KIFAP3: variants seen among roughly 807,000 people sequenced by gnomAD.
KIFAP3 encodes kinesin-associated protein 3.
A neutral mutation model predicts 106.5 loss-of-function variants in KIFAP3; 68 were observed. The ratio of observed to expected loss-of-function variants is 0.64; its 90% CI spans 0.53 to 0.78. The LOEUF (loss-of-function observed/expected upper bound fraction) is 0.78, where lower values mean the gene tolerates loss of function less well. KIFAP3 is among the 30% of genes least tolerant of loss of function. The probability of loss-of-function intolerance (pLI) is 0.00; values close to 1 mark genes in which losing one functional copy is unlikely to be tolerated. For synonymous variants in KIFAP3, 320 were observed against 311.5 expected (o/e 1.03, Z -0.29); for missense variants, 780 against 941.8 (o/e 0.83, Z 2.25).
chr1:169,954,717 T>C (rs1470936258), intron 18 of KIFAP3, among the ~76,000 whole-genome samples: 4 of 152,206 alleles, frequency 2.6e-5, no homozygotes, highest in South Asian at 2.1e-4. Context: ...AAGGATATAC[T>C]ATACAGAAAT....
chr1:170,068,149 A>G (rs1671535851), intron 1 of KIFAP3: 1 of 152,180 alleles, frequency 6.6e-6, no homozygotes, highest in Admixed American at 6.5e-5. Flanking sequence ...CCAGTTTTCA[A>G]CAAAACAAAA....
intron 19 of KIFAP3, among the ~76,000 whole-genome samples, chr1:169,939,674 G>A (rs1240032025): frequency 2.0e-5 from 3 of 152,112 alleles, no homozygotes; most frequent in Non-Finnish European, 4.4e-5. Flanking sequence ...GCATTTAAAT[G>A]TGGAAAAGAG....
At chr1:169,975,254 C>G (rs891002921) in intron 16 of KIFAP3, among the ~76,000 whole-genome samples, 2 of 151,972 alleles carry the variant, frequency 1.3e-5, no homozygotes, top group African/African-American at 2.4e-5. Context: ...GATTGAGTCA[C>G]AGTTGAGAGT....
At chr1:170,026,345 A>G (rs1382150860) in intron 8 of KIFAP3, among the ~76,000 whole-genome samples, 2 of 152,182 alleles carry the variant, frequency 1.3e-5, no homozygotes, top group Non-Finnish European at 2.9e-5. Flanking sequence ...GCCTGACAAC[A>G]CCACAAAAAA....
chr1:170,026,284 T>C (rs1204359300), intron 8 of KIFAP3, among the ~76,000 whole-genome samples: 1 of 152,162 alleles, frequency 6.6e-6, no homozygotes, highest in Admixed American at 6.5e-5. Context: ...CGGTTTACGG[T>C]AATTTGTTAT....
At chr1:170,062,699 T>C (rs906496286) in intron 1 of KIFAP3, among the ~76,000 whole-genome samples, 7 of 152,114 alleles carry the variant, frequency 4.6e-5, no homozygotes, top group African/African-American at 1.7e-4. Flanking sequence ...TTTTTTTTGG[T>C]AGAAGTCATA....
chr1:170,037,087 C>T (rs1669728413), intron 5 of KIFAP3, among the ~76,000 whole-genome samples: 1 of 152,094 alleles, frequency 6.6e-6, no homozygotes. Context: ...TACAAAACAA[C>T]ACAGCAATAG....
At chr1:169,990,406 C>T (rs1667035446) in intron 11 of KIFAP3, among the ~76,000 whole-genome samples, 1 of 151,144 alleles carries the variant, frequency 6.6e-6, no homozygotes. Flanking sequence ...CATACCTTAA[C>T]TCAGGAATGC....
chr1:170,027,910 GAA>G (rs1427677046), intron 8 of KIFAP3, among the ~76,000 whole-genome samples: 1 of 151,878 alleles, frequency 6.6e-6, no homozygotes, highest in Non-Finnish European at 1.5e-5. Flanking sequence ...AGCAGTCCAA[GAA>G]AAAGAGACCT....
At position 169,928,699 on chromosome 1, in the gene KIFAP3, C is replaced by CAAAAAAAAAAAA. The variant is rs10690029; in HGVS notation, c.2274-6930_2274-6919dup. Among the ~76,000 whole-genome samples the CAAAAAAAAAAAA allele has an allele frequency of 7.4e-4, 28 of 37,764 alleles. 4 individuals carry two copies. The highest frequency in any genetic ancestry group is 2.2e-3 in the African/African-American group (16 of 7,230). 24.8% of individuals were successfully genotyped at this position (37,764 alleles called of 152,430 possible). ...AACAGAGTGAGTGAGACCCTGTCTC[C>CAAAAAAAAAAAA]AAAAAAAAAAAAAAAAAAAAAATTA... On this transcript the variant is annotated intron_variant, in intron 19 of 19. Transcript: ENST00000361580.
intron 5 of KIFAP3, 148 bp downstream of exon 5, chr1:170,038,142 T>C: frequency 1.6e-6 from 1 of 635,730 alleles, no homozygotes; most frequent in Non-Finnish European, 2.6e-6. Flanking sequence ...GTGAATTCTC[T>C]GGAGAATATT....
intron 15 of KIFAP3, among the ~76,000 whole-genome samples, chr1:169,979,992 T>C (rs922956407): frequency 7.2e-5 from 11 of 152,044 alleles, no homozygotes; most frequent in Non-Finnish European, 8.8e-5. Flanking sequence ...GTCACAAATA[T>C]AAGGTAGAAC....
At chr1:169,990,987 T>C (rs1019142012) in intron 11 of KIFAP3, among the ~76,000 whole-genome samples, 2 of 152,030 alleles carry the variant, frequency 1.3e-5, no homozygotes, top group Non-Finnish European at 2.9e-5. Context: ...AAAATTAAAA[T>C]AGTTATTATA....
intron 1 of KIFAP3, among the ~76,000 whole-genome samples, chr1:170,073,384 T>A (rs1193107404): frequency 6.6e-6 from 1 of 152,222 alleles, no homozygotes; most frequent in East Asian, 1.9e-4. Flanking sequence ...ATACAATTGT[T>A]TGAATCCCTT....
chr1:170,028,173 A>G (rs1669214514), intron 8 of KIFAP3, among the ~76,000 whole-genome samples: 1 of 141,090 alleles, frequency 7.1e-6, no homozygotes, highest in African/African-American at 2.6e-5. Flanking sequence ...TCAGGCAAAA[A>G]GAAAATGACA....
intron 1 of KIFAP3, among the ~76,000 whole-genome samples, chr1:170,057,979 T>A (rs1276215418): frequency 6.6e-6 from 1 of 152,136 alleles, no homozygotes; most frequent in Non-Finnish European, 1.5e-5. Flanking sequence ...CATTTTCTTT[T>A]AATCTCAATG....
Position 170,031,936 on chromosome 1 carries a change from G to A in KIFAP3, c.791C>T (p.Thr264Ile). 6.2e-7 allele frequency: 1 copy of A among 1,610,852 alleles called. No individual in the cohort carries two copies. Among genetic ancestry groups the A allele is most frequent in the South Asian group, 1.1e-5 (1 of 90,698 alleles). The change falls in exon 8 of 20, where the codon ACC becomes ATC. Residue 264 changes from threonine (T) to isoleucine (I), a missense_variant. Transcript: ENST00000361580. The part of the protein sequence containing the change: ...NQTLRKDYEK[T>I]FKKYQGLVVK... ...CACAAGCCCCTGGTACTTTTTAAAG[G>A]TTTTTTCATAATCCTTTCTCAAGGT... is the stretch of plus-strand genomic sequence containing the variant.
At chr1:170,059,041 G>A (rs892677878) in intron 1 of KIFAP3, among the ~76,000 whole-genome samples, 2 of 152,138 alleles carry the variant, frequency 1.3e-5, no homozygotes, top group African/African-American at 4.8e-5. Flanking sequence ...GAAATTTATA[G>A]CACTAAATGC....
chr1:169,943,880 C>T lies in KIFAP3; in HGVS notation c.2273+10131G>A, dbSNP rs551882383. On this transcript the variant is annotated intron_variant, in intron 19 of 19. Transcript: ENST00000361580. ...GGCTTCTGTGTCATTTTTTCTAGTA[C>T]AAAGCTGTACCATAATTGACATGTT... Among the ~76,000 whole-genome samples the T allele has an allele frequency of 1.6e-4, 25 of 152,270 alleles. 1 individual carries two copies. The highest frequency in any genetic ancestry group is 1.6e-3 in the Admixed American group (24 of 15,304).
Sources: allele counts gnomAD v4.1 joint callset (sites outside exome capture counted in the v4.1 genomes callset), GRCh38; gene constraint gnomAD v4.1.1; transcripts MANE v1.5; gene names NCBI Gene and HGNC (gene_info 2026-07-23, HGNC 2026-07-21).